CCAT2: variants seen among roughly 807,000 people sequenced by gnomAD.
CCAT2 encodes the protein colon cancer associated transcript 2 (non-protein coding).
exon 1 of CCAT2, chr8:127,401,358 TG>T (rs1448164860): frequency 6.6e-6 from 1 of 152,226 alleles, no homozygotes; most frequent in Non-Finnish European, 1.5e-5. Context: ...GTAATATGTT[TG>T]GGCCTGTAGG....
At chr8:127,401,782 T>TA (rs1814941314) in exon 1 of CCAT2, 1 of 152,214 alleles carries the variant, frequency 6.6e-6, no homozygotes, top group South Asian at 2.1e-4. Context: ...CCTGAACTTC[T>TA]AAAAGGTGTC....
At chr8:127,401,547 A>G (rs972229631) in exon 1 of CCAT2, 1 of 152,144 alleles carries the variant, frequency 6.6e-6, no homozygotes, top group Non-Finnish European at 1.5e-5. Flanking sequence ...GGCCTATATC[A>G]ATGCATTGGT....
At chr8:127,401,997 A>T (rs142927748) in exon 1 of CCAT2, 1 of 152,252 alleles carries the variant, frequency 6.6e-6, no homozygotes, top group Non-Finnish European at 1.5e-5. Context: ...GATTGCTTAC[A>T]TAAATAATGT....
At chr8:127,400,921 C>T (rs1814931034) in exon 1 of CCAT2, 1 of 152,278 alleles carries the variant, frequency 6.6e-6, no homozygotes, top group Non-Finnish European at 1.5e-5. Context: ...AATTGCCTGA[C>T]CCTGGTCAAA....
chr8:127,400,899 C>T (rs1814930583), exon 1 of CCAT2: 1 of 152,240 alleles, frequency 6.6e-6, no homozygotes, highest in Non-Finnish European at 1.5e-5. Flanking sequence ...CCTTCCAGCT[C>T]CACCTCTGAC....
At chr8:127,401,102 T>C (rs1397322531) in exon 1 of CCAT2, 1 of 152,176 alleles carries the variant, frequency 6.6e-6, no homozygotes, top group Non-Finnish European at 1.5e-5. Context: ...CTATTGACTT[T>C]ATTTTATTTT....
At chr8:127,400,754 C>T (rs1814928891) in exon 1 of CCAT2, 1 of 152,230 alleles carries the variant, frequency 6.6e-6, no homozygotes, top group African/African-American at 2.4e-5. Context: ...AGGCGTCGTC[C>T]AAATGATTAC....
chr8:127,401,696 TGAATA>T (rs1282931567), exon 1 of CCAT2: 9 of 152,322 alleles, frequency 5.9e-5, no homozygotes, highest in African/African-American at 2.2e-4. Context: ...TAATATGGTA[TGAATA>T]GGAGAGCTAT....
chr8:127,401,711 T>A (rs2130612681), exon 1 of CCAT2: 1 of 152,354 alleles, frequency 6.6e-6, no homozygotes, highest in Admixed American at 6.5e-5. Flanking sequence ...AGGAGAGCTA[T>A]TAGACTAAAG....
At chr8:127,401,602 G>A (rs965566891) in exon 1 of CCAT2, 1 of 152,138 alleles carries the variant, frequency 6.6e-6, no homozygotes, top group African/African-American at 2.4e-5. Context: ...TTTTCCCATG[G>A]ATATTATGTT....
exon 1 of CCAT2, chr8:127,401,490 T>A (rs956263046): frequency 6.6e-6 from 1 of 152,216 alleles, no homozygotes; most frequent in African/African-American, 2.4e-5. Flanking sequence ...AATGTACAAA[T>A]GTACAAGGAA....
exon 1 of CCAT2, chr8:127,400,574 C>T (rs1438590278): frequency 6.6e-6 from 1 of 152,204 alleles, no homozygotes; most frequent in African/African-American, 2.4e-5. Flanking sequence ...CTGGTATAGA[C>T]ACCAAGAGGG....
chr8:127,400,587 G>T (rs953225555), exon 1 of CCAT2: 2 of 152,184 alleles, frequency 1.3e-5, no homozygotes, highest in African/African-American at 4.8e-5. Context: ...CAAGAGGGAG[G>T]TATCAACAGA....
chr8:127,400,626 C>T (rs1814927552), exon 1 of CCAT2: 1 of 152,160 alleles, frequency 6.6e-6, no homozygotes, highest in African/African-American at 2.4e-5. Context: ...AGGAAACCAC[C>T]TTGGACTGGA....
rs1371790303 is a variant in CCAT2 at position 127,401,869 on chromosome 8, G to A, written n.1471G>A. On this transcript the variant is annotated non_coding_transcript_exon_variant, in exon 1 of 1. Coordinates refer to ENST00000630920, the Ensembl canonical transcript of CCAT2. Reference sequence around the variant, plus strand: ...CCAATGCATTAGATGAAGCTTAGAAGGGCATTTTCTAACCATTACAAATTG... The same window carrying A: ...CCAATGCATTAGATGAAGCTTAGAAAGGCATTTTCTAACCATTACAAATTG... 2.0e-5 allele frequency: 3 copies of A among 152,204 alleles called. No individual in the cohort carries two copies. In the East Asian group the frequency reaches 5.8e-4, roughly 29 times the overall value. 9.4% of individuals were successfully genotyped at this position (152,204 alleles called of 1,614,324 possible). A position where few individuals can be genotyped will look rare whatever the true frequency, so the allele number is the denominator to read the frequency against.
chr8:127,400,776 C>T (rs1418725842), exon 1 of CCAT2: 1 of 152,250 alleles, frequency 6.6e-6, no homozygotes, highest in Admixed American at 6.5e-5. Context: ...AGCTTCTTTT[C>T]CTGCTCTTAT....
chr8:127,400,750 C>A (rs1401085576), exon 1 of CCAT2: 2 of 152,236 alleles, frequency 1.3e-5, no homozygotes, highest in Non-Finnish European at 2.9e-5. Flanking sequence ...ATGAAGGCGT[C>A]GTCCAAATGA....
chr8:127,400,917 C>A (rs896805324), exon 1 of CCAT2: 9 of 152,266 alleles, frequency 5.9e-5, no homozygotes, highest in African/African-American at 2.2e-4. Flanking sequence ...GACCAATTGC[C>A]TGACCCTGGT....
At chr8:127,401,394 A>C (rs970503789) in exon 1 of CCAT2, 1 of 152,194 alleles carries the variant, frequency 6.6e-6, no homozygotes, top group Non-Finnish European at 1.5e-5. Flanking sequence ...TAATAAGGGA[A>C]GGGTTTGGCA....
Sources: gnomAD v4.1 joint callset for allele counts on GRCh38, gnomAD v4.1.1 for gene constraint, MANE v1.5 for transcripts, NCBI Gene and HGNC (gene_info 2026-07-23, HGNC 2026-07-21) for gene names.